Variants in OR2T11 observed in about 807,000 individuals in gnomAD.
OR2T11 encodes the protein olfactory receptor family 2 subfamily T member 11, also known as olfactory receptor 2T11.
OR2T11 carries 14 observed loss-of-function variants against 13.5 expected under a neutral mutation model. The ratio of observed to expected loss-of-function variants is 1.04; its 90% CI spans 0.69 to 1.62. OR2T11 has a LOEUF of 1.62. Among genes scored for constraint, OR2T11 ranks in the 40% most tolerant of loss-of-function variants. The pLI is 0.00. For missense variants in OR2T11, 410 were observed against 389.7 expected, an observed-to-expected ratio of 1.05 and a Z score of -0.44; for synonymous variants, 163 against 154.6, an observed-to-expected ratio of 1.05 and a Z score of -0.40.
rs1660485331 is a variant in OR2T11, at chr1:248,624,447, C to CA, written c.*1730dup. Reference sequence around the variant, plus strand: ...CTTTCATGTTGCTAAATACAGTAACCAAATCTCACTTATTTCAACCATAGA... The same window carrying CA: ...CTTTCATGTTGCTAAATACAGTAACCAAAATCTCACTTATTTCAACCATAGA... On this transcript the variant is annotated 3_prime_UTR_variant, in exon 2 of 2. Transcript: ENST00000641193. 7.0e-6 allele frequency: 1 copy of CA among 142,850 alleles called. No homozygotes were observed. 8.8% of individuals were successfully genotyped at this position (142,850 alleles called of 1,614,324 possible). A position where few individuals can be genotyped will look rare whatever the true frequency, so the allele number is the denominator to read the frequency against.
At position 248,624,515 on chromosome 1, in the gene OR2T11, T is replaced by A. The variant is rs1660486309; in HGVS notation, c.*1663A>T. On this transcript the variant is annotated 3_prime_UTR_variant, in exon 2 of 2. Transcript: ENST00000641193. ...GCTTTTACTTTCTTTAAACACTTTG[T>A]CTTAGATTTCTTCTAACCTCATAAA... 7.0e-6 allele frequency: 1 copy of A among 143,460 alleles called. No homozygotes were observed. Among genetic ancestry groups the A allele is most frequent in the African/African-American group, 2.7e-5 (1 of 36,380 alleles). The allele number at this position is 143,460 out of a possible 1,614,324, so 8.9% of individuals were successfully genotyped here. A position where few individuals can be genotyped will look rare whatever the true frequency, so the allele number is the denominator to read the frequency against.
chr1:248,631,565 G>A lies in OR2T11; in HGVS notation c.-145+3473C>T, dbSNP rs974059074. Among the ~76,000 whole-genome samples the A allele has an allele frequency of 2.8e-5, 4 of 143,254 alleles. 1 individual carries two copies. Among genetic ancestry groups the A allele is most frequent in the Admixed American group, 6.8e-5 (1 of 14,702 alleles). The allele number at this position is 143,254 out of a possible 152,430, so 94.0% of individuals were successfully genotyped here. A position where few individuals can be genotyped will look rare whatever the true frequency, so the allele number is the denominator to read the frequency against. ...CCAGCCAAAGAGAAGTTAAATGAAT[G>A]CAGGGTAAAAGGCCATAAACACACC... On this transcript the variant is annotated intron_variant, in intron 1 of 1. Coordinates refer to ENST00000641193, the MANE Select transcript of OR2T11 (RefSeq NM_001001964.2).
chr1:248,634,031 G>T (rs1660651999), intron 1 of OR2T11, among the ~76,000 whole-genome samples: 1 of 139,890 alleles, frequency 7.1e-6, no homozygotes, highest in Non-Finnish European at 1.5e-5. Flanking sequence ...TTGACATGCA[G>T]TTCTATGTGA....
In OR2T11 at chr1:248,623,652, T is replaced by C. The variant is rs982084195; in HGVS notation, c.*2526A>G. ...GCAAATTATATGCCTTGGAAAAGCA[T>C]AAATATGACACACTTTATTCACAAA... On this transcript the variant is annotated 3_prime_UTR_variant, in exon 2 of 2. Transcript: ENST00000641193. The C allele has an allele frequency of 6.3e-5, 9 of 142,414 alleles. 1 individual carries two copies. Among genetic ancestry groups the C allele is most frequent in the African/African-American group, 2.0e-4 (7 of 35,610 alleles). 8.8% of individuals were successfully genotyped at this position (142,414 alleles called of 1,614,324 possible). A position where few individuals can be genotyped will look rare whatever the true frequency, so the allele number is the denominator to read the frequency against.
At chr1:248,633,504 C>T (rs2103104426) in intron 1 of OR2T11, among the ~76,000 whole-genome samples, 1 of 141,354 alleles carries the variant, frequency 7.1e-6, no homozygotes, top group South Asian at 2.3e-4. Context: ...AGCATCCCTG[C>T]CTTGGGCCAA....
chr1:248,630,061 AATCTTTGAAT>A (rs1319653655), intron 1 of OR2T11, among the ~76,000 whole-genome samples: 1 of 142,122 alleles, frequency 7.0e-6, no homozygotes, highest in African/African-American at 2.8e-5. Flanking sequence ...GCACATTGTA[AATCTTTGAAT>A]AAATCATTTT....
At chr1:248,630,723 CTTAGTG>C (rs1219520389) in intron 1 of OR2T11, among the ~76,000 whole-genome samples, 2 of 143,924 alleles carry the variant, frequency 1.4e-5, no homozygotes, top group Non-Finnish European at 1.5e-5. Context: ...CTGTAATAGA[CTTAGTG>C]TTAAATATAA....
rs1200673821 is a variant in OR2T11, at chr1:248,624,396, A to C, written c.*1782T>G. 7.0e-6 allele frequency: 1 copy of C among 143,374 alleles called. No individual in the cohort carries two copies. The highest frequency in any genetic ancestry group is 1.5e-5 in the Non-Finnish European group (1 of 66,332). 8.9% of individuals were successfully genotyped at this position (143,374 alleles called of 1,614,324 possible). A position where few individuals can be genotyped will look rare whatever the true frequency, so the allele number is the denominator to read the frequency against. ...TCATCTCTAAGCATATCTCCATTAAAAATGGTCACTAAGGTTACAAGTAAC... is the reference window on the plus strand; with the variant it reads ...TCATCTCTAAGCATATCTCCATTAACAATGGTCACTAAGGTTACAAGTAAC... On this transcript the variant is annotated 3_prime_UTR_variant, in exon 2 of 2. Coordinates refer to ENST00000641193, the MANE Select transcript of OR2T11 (RefSeq NM_001001964.2).
At chr1:248,628,431 TC>T (rs1660553601) in intron 1 of OR2T11, among the ~76,000 whole-genome samples, 1 of 137,826 alleles carries the variant, frequency 7.3e-6, no homozygotes. Flanking sequence ...CTGCAGGGTT[TC>T]CCCCCATTCA....
rs1344422887 is a variant in OR2T11, at chr1:248,626,287, A to G, written c.842T>C (p.Met281Thr). The G allele has an allele frequency of 1.9e-6, 3 of 1,569,046 alleles. 1 individual carries two copies. Among genetic ancestry groups the G allele is most frequent in the Non-Finnish European group, 2.6e-6 (3 of 1,152,614 alleles). ...GAGGCTGTAGATGAGAGGATTAAGCATGGGCGTGACAATGGTATAGAAGGC... is the reference window on the plus strand; with the variant it reads ...GAGGCTGTAGATGAGAGGATTAAGCGTGGGCGTGACAATGGTATAGAAGGC... ...VSAFYTIVTP[M>T]LNPLIYSLRN... is the part of the protein sequence containing the mutation. Residue 281 changes from methionine (M) to threonine (T), a missense_variant, in exon 2 of 2, where the codon ATG (methionine) becomes ACG (threonine). Coordinates refer to ENST00000641193, the MANE Select transcript of OR2T11 (RefSeq NM_001001964.2).
Position 248,625,738 on chromosome 1 carries a change from C to T in OR2T11, c.*440G>A. On this transcript the variant is annotated 3_prime_UTR_variant, in exon 2 of 2. Coordinates refer to ENST00000641193, the MANE Select transcript of OR2T11 (RefSeq NM_001001964.2). ...ATAAAAAACACGACTAAAGTGTGTG[C>T]TTTTATCTTCTTTGCCACTTGTGTA... is the stretch of plus-strand genomic sequence containing the variant. The T allele has an allele frequency of 6.7e-6, 1 of 149,514 alleles. No individual in the cohort carries two copies. The highest frequency in any genetic ancestry group is 3.1e-3 in the Middle Eastern group (1 of 322). 9.3% of individuals were successfully genotyped at this position (149,514 alleles called of 1,614,324 possible).
chr1:248,627,352 T>C (rs1660540896), intron 1 of OR2T11, 80 bp from the exon 2 acceptor site: 1 of 521,542 alleles, frequency 1.9e-6, no homozygotes, highest in Non-Finnish European at 3.4e-6. Context: ...GAACAGCTCC[T>C]TCTATATTGC....
At position 248,632,320 on chromosome 1, in the gene OR2T11, C is replaced by T. The variant is rs1185979531; in HGVS notation, c.-145+2718G>A. ...AATTGTCCTCGTATCCTATATTTTC[C>T]TAGGTACTGAAGACCTCTAATGGAC... On this transcript the variant is annotated intron_variant, in intron 1 of 1. Transcript: ENST00000641193. Among the ~76,000 whole-genome samples, 9 of 141,362 alleles carry T rather than the reference C, an allele frequency of 6.4e-5. 1 individual carries two copies. Among genetic ancestry groups the T allele is most frequent in the African/African-American group, 2.3e-4 (8 of 35,500 alleles). The allele number at this position is 141,362 out of a possible 152,430, so 92.7% of individuals were successfully genotyped here. A position where few individuals can be genotyped will look rare whatever the true frequency, so the allele number is the denominator to read the frequency against.
Position 248,626,485 on chromosome 1 carries a change from T to A in OR2T11, c.644A>T (p.Tyr215Phe). 2 of 1,568,636 alleles carry A rather than the reference T, an allele frequency of 1.3e-6. 1 individual carries two copies. The highest frequency in any genetic ancestry group is 2.3e-5 in the South Asian group (2 of 88,766). ...GTGGATGGTTAACAAGATGAGGGAG[T>A]AGGAAGTGGAGATGATAGAGATGGG... The part of the protein sequence containing the change: ...LIPISIISTS[Y>F]SLILLTIHRM... Residue 215 changes from tyrosine (Y) to phenylalanine (F), a missense_variant, in exon 2 of 2, where the codon TAC (tyrosine) becomes TTC (phenylalanine). Coordinates refer to ENST00000641193, the MANE Select transcript of OR2T11 (RefSeq NM_001001964.2).
At position 248,625,514 on chromosome 1, in the gene OR2T11, G is replaced by T. The variant is rs1363802582; in HGVS notation, c.*664C>A. ...CATCCTCAAGGAAAGTGGCAGTCATGTTCTTTGATGCTAAGTGTTAGAGTC... is the reference window on the plus strand; with the variant it reads ...CATCCTCAAGGAAAGTGGCAGTCATTTTCTTTGATGCTAAGTGTTAGAGTC... On this transcript the variant is annotated 3_prime_UTR_variant, in exon 2 of 2. Coordinates refer to ENST00000641193, the MANE Select transcript of OR2T11 (RefSeq NM_001001964.2). 1.4e-5 allele frequency: 2 copies of T among 143,618 alleles called. 1 individual carries two copies. The highest frequency in any genetic ancestry group is 3.0e-5 in the Non-Finnish European group (2 of 66,362). 8.9% of individuals were successfully genotyped at this position (143,618 alleles called of 1,614,324 possible). A position where few individuals can be genotyped will look rare whatever the true frequency, so the allele number is the denominator to read the frequency against.
chr1:248,626,844 G>A lies in OR2T11; in HGVS notation c.285C>T (p.Gly95=). ...TGGTCAGGTAGAGGAAGATCTGGAT[G>A]CCACAGGCCACAAAGGAAATGATCT... ...KEKIISFVAC[G]IQIFLYLTMI... Residue 95 remains glycine (G), a synonymous_variant, in exon 2 of 2, where the codon GGC becomes GGT. Coordinates refer to ENST00000641193, the MANE Select transcript of OR2T11 (RefSeq NM_001001964.2). The A allele has an allele frequency of 6.4e-7, 1 of 1,571,956 alleles. No homozygotes were observed.
chr1:248,631,394 A>T lies in OR2T11; in HGVS notation c.-145+3644T>A, dbSNP rs1453089860. Reference sequence around the variant, plus strand: ...GTCGATCACTAATTATCACCATCTCACAGCTGGTAAAACTGAGGCTCAGAG... The same window carrying T: ...GTCGATCACTAATTATCACCATCTCTCAGCTGGTAAAACTGAGGCTCAGAG... On this transcript the variant is annotated intron_variant, in intron 1 of 1. Coordinates refer to ENST00000641193, the MANE Select transcript of OR2T11 (RefSeq NM_001001964.2). 3.5e-5 allele frequency among the ~76,000 whole-genome samples: 5 copies of T among 142,806 alleles called. 1 individual carries two copies. Among genetic ancestry groups the T allele is most frequent in the Admixed American group, 3.4e-4 (5 of 14,682 alleles). 93.7% of individuals were successfully genotyped at this position (142,806 alleles called of 152,430 possible).
At chr1:248,632,344 A>G (rs4359055) in intron 1 of OR2T11, among the ~76,000 whole-genome samples, 118,100 of 138,002 alleles carry the variant, frequency 0.86, 53,166 homozygotes, top group South Asian at 0.94. Context: ...CCTCTAATGG[A>G]CAGATTTTTT....
Position 248,626,531 on chromosome 1 carries a change from AGCAGATG to A in OR2T11, c.591_597del (p.Ile198ValfsTer21). 6.4e-7 allele frequency: 1 copy of A among 1,568,056 alleles called. No individual in the cohort carries two copies. The highest frequency in any genetic ancestry group is 8.7e-7 in the Non-Finnish European group (1 of 1,151,902). ...ATGGGGATGAGCAACATGAGGACAC[AGCAGATG>A]TACATCAGAGTTTCATACAAGGACG... On this transcript the variant is annotated frameshift_variant, in exon 2 of 2. Coordinates refer to ENST00000641193, the MANE Select transcript of OR2T11 (RefSeq NM_001001964.2). LOFTEE classifies it high-confidence loss of function.
Sources: gnomAD v4.1 joint callset for allele counts (sites outside exome capture counted in the v4.1 genomes callset) on GRCh38, gnomAD v4.1.1 for gene constraint, MANE v1.5 for transcripts, NCBI Gene and HGNC (gene_info 2026-07-23, HGNC 2026-07-21) for gene names.